ATG7: variants seen among roughly 807,000 people sequenced by gnomAD.
The protein encoded by ATG7 is autophagy related 7, also known as ubiquitin-like modifier-activating enzyme ATG7.
In ATG7, 70 loss-of-function variants were observed where a neutral mutation model predicts 82.4. The ratio of observed to expected loss-of-function variants is 0.85; its 90% confidence interval spans 0.70 to 1.04. The LOEUF (loss-of-function observed/expected upper bound fraction) is 1.04, where lower values mean the gene tolerates loss of function less well. Among genes scored for constraint, ATG7 ranks in the 50% least tolerant of loss-of-function variants. The pLI is 0.00. For synonymous variants in ATG7, 287 were observed against 313.0 expected, an observed-to-expected ratio of 0.92 and a Z score of 0.88; for missense variants, 792 against 864.3, an observed-to-expected ratio of 0.92 and a Z score of 1.05.
chr3:11,292,333 C>T (rs1945122717), intron 3 of ATG7, among the ~76,000 whole-genome samples: 1 of 150,102 alleles, frequency 6.7e-6, no homozygotes, highest in South Asian at 2.1e-4. Context: ...CATCTTGGCT[C>T]ACTGCAACCT....
intron 20 of ATG7, among the ~76,000 whole-genome samples, chr3:11,542,910 C>T (rs1397923582): frequency 6.6e-6 from 1 of 152,170 alleles, no homozygotes; most frequent in Non-Finnish European, 1.5e-5. Flanking sequence ...CTCCTAGCTC[C>T]TTGTCAGTTG....
chr3:11,468,219 A>C (rs1285471376), intron 20 of ATG7, among the ~76,000 whole-genome samples: 1 of 152,178 alleles, frequency 6.6e-6, no homozygotes, highest in African/African-American at 2.4e-5. Context: ...GGTATTTAGC[A>C]AATTATTTTT....
At chr3:11,477,282 G>A (rs1481897973) in intron 20 of ATG7, 8 of 1,212,212 alleles carry the variant, frequency 6.6e-6, no homozygotes, top group South Asian at 1.5e-5. Context: ...GATGAACAAT[G>A]ATGATAAAAT....
intron 13 of ATG7, among the ~76,000 whole-genome samples, chr3:11,347,296 T>C (rs1017803699): frequency 6.6e-6 from 1 of 152,236 alleles, no homozygotes; most frequent in African/African-American, 2.4e-5. Flanking sequence ...GGAGACATAA[T>C]TGAAGTCTAT....
intron 18 of ATG7, among the ~76,000 whole-genome samples, chr3:11,369,265 T>C (rs769486216): frequency 6.0e-5 from 9 of 151,124 alleles, no homozygotes; most frequent in Non-Finnish European, 1.2e-4. Flanking sequence ...TAAGAGCATA[T>C]TTCCTGAGAT....
chr3:11,275,417 C>T (rs578107360), intron 1 of ATG7, among the ~76,000 whole-genome samples: 19 of 150,170 alleles, frequency 1.3e-4, no homozygotes, highest in Non-Finnish European at 2.4e-4. Context: ...GGCACGATCT[C>T]GGCTCACTGC....
intron 7 of ATG7, among the ~76,000 whole-genome samples, chr3:11,310,936 G>A (rs1038950817): frequency 2.0e-5 from 3 of 152,156 alleles, no homozygotes; most frequent in African/African-American, 7.2e-5. Context: ...GCAGCCTGTA[G>A]GCTCTTTACT....
chr3:11,523,201 T>C (rs577603596), intron 20 of ATG7, among the ~76,000 whole-genome samples: 1 of 152,240 alleles, frequency 6.6e-6, no homozygotes, highest in Non-Finnish European at 1.5e-5. Flanking sequence ...ATATAAATAT[T>C]TGGCCTATTA....
chr3:11,526,861 A>G (rs2124951941), intron 20 of ATG7, among the ~76,000 whole-genome samples: 1 of 152,270 alleles, frequency 6.6e-6, no homozygotes, highest in Non-Finnish European at 1.5e-5. Flanking sequence ...TGTTTGCTGT[A>G]GATTTTATTA....
intron 20 of ATG7, among the ~76,000 whole-genome samples, chr3:11,537,413 G>A (rs1362369410): frequency 2.0e-5 from 3 of 152,234 alleles, no homozygotes; most frequent in East Asian, 1.9e-4. Context: ...AGGGACGGAC[G>A]CACCTGTCCC....
intron 19 of ATG7, among the ~76,000 whole-genome samples, chr3:11,423,761 C>CT (rs1239589438): frequency 6.6e-6 from 1 of 152,098 alleles, no homozygotes; most frequent in Non-Finnish European, 1.5e-5. Context: ...GCCTGCAGGT[C>CT]TTTTCTTACC....
At chr3:11,366,971 C>CTGTGTGTGTGTGTGTGTGTGTG (rs60183965) in intron 18 of ATG7, among the ~76,000 whole-genome samples, 1 of 139,694 alleles carries the variant, frequency 7.2e-6, no homozygotes, top group African/African-American at 2.7e-5. Flanking sequence ...ATGGGAAAAG[C>CTGTGTGTGTGTGTGTGTGTGTG]TGTGTGTGTG....
At position 11,412,844 on chromosome 3, in the gene ATG7, G is replaced by A. The variant is rs539527646; in HGVS notation, c.1957-13960G>A. Among the ~76,000 whole-genome samples the A allele has an allele frequency of 4.9e-4, 75 of 152,132 alleles. 1 individual carries two copies. The highest frequency in any genetic ancestry group is 1.7e-3 in the African/African-American group (69 of 41,526). Reference sequence around the variant, plus strand: ...TGTTTCCATTTATTTATGATGGGGTGTATTTCCATTTATTTATGATGTCTT... The same window carrying A: ...TGTTTCCATTTATTTATGATGGGGTATATTTCCATTTATTTATGATGTCTT... On this transcript the variant is annotated intron_variant, in intron 19 of 20. Transcript: ENST00000693202.
At chr3:11,403,856 G>A (rs754236467) in intron 19 of ATG7, among the ~76,000 whole-genome samples, 1 of 152,160 alleles carries the variant, frequency 6.6e-6, no homozygotes, top group Non-Finnish European at 1.5e-5. Context: ...AAACACGCTG[G>A]ATTTCCCAAA....
At chr3:11,430,939 G>C (rs532866525) in intron 20 of ATG7, among the ~76,000 whole-genome samples, 13 of 152,306 alleles carry the variant, frequency 8.5e-5, no homozygotes, top group Non-Finnish European at 1.9e-4. Flanking sequence ...GAAGGGAAGG[G>C]CAAGAAGCCT....
intron 20 of ATG7, among the ~76,000 whole-genome samples, chr3:11,480,991 A>T (rs1273312867): frequency 6.6e-6 from 1 of 152,240 alleles, no homozygotes; most frequent in Non-Finnish European, 1.5e-5. Flanking sequence ...ATTACTCTTA[A>T]TTCTTCTAGG....
rs1457803180 is a variant in ATG7 at position 11,556,658 on chromosome 3, A to G, written c.*1815A>G. 6.5e-6 allele frequency: 1 copy of G among 152,702 alleles called. No homozygotes were observed. The highest frequency in any genetic ancestry group is 1.5e-5 in the Non-Finnish European group (1 of 68,038). 9.5% of individuals were successfully genotyped at this position (152,702 alleles called of 1,614,324 possible). A position where few individuals can be genotyped will look rare whatever the true frequency, so the allele number is the denominator to read the frequency against. ...AAAAAAAATGAATGATTACAATAGG[A>G]AAGGGAAAAATTAAATAGCTACATA... On this transcript the variant is annotated 3_prime_UTR_variant, in exon 21 of 21. Transcript: ENST00000693202.
At chr3:11,503,343 A>G (rs1020832683) in intron 20 of ATG7, among the ~76,000 whole-genome samples, 1 of 152,214 alleles carries the variant, frequency 6.6e-6, no homozygotes, top group Non-Finnish European at 1.5e-5. Context: ...AAAATGTTAC[A>G]TGTCCCAAAA....
rs369605091 is a variant in ATG7 at position 11,358,462 on chromosome 3, A to G, written c.1329A>G (p.Pro443=). The G allele has an allele frequency of 1.6e-5, 26 of 1,613,930 alleles. No homozygotes were observed. Among genetic ancestry groups the G allele is most frequent in the Non-Finnish European group, 2.2e-5 (26 of 1,179,960 alleles). Residue 443 remains proline (P), a synonymous_variant, in exon 15 of 21, where the codon CCA becomes CCG. Transcript: ENST00000693202. ...TGAGCATACCTATGCCTGGGCATCC[A>G]GTGAACTTCTCCAGTGTCACTCTGG... The part of the protein sequence containing the change: ...FNMSIPMPGH[P]VNFSSVTLEQ...
Sources: gnomAD v4.1 joint callset for allele counts (sites outside exome capture counted in the v4.1 genomes callset) on GRCh38, gnomAD v4.1.1 for gene constraint, MANE v1.5 for transcripts, NCBI Gene and HGNC (gene_info 2026-07-23, HGNC 2026-07-21) for gene names.